The following ITGA8 variants were observed in gnomAD, a reference collection of about 807,000 sequenced individuals.
The protein encoded by ITGA8 is integrin alpha-8.
A neutral mutation model predicts 142.3 loss-of-function variants in ITGA8; 91 were observed. The ratio of observed to expected loss-of-function variants is 0.64; its 90% CI spans 0.54 to 0.76. The LOEUF (loss-of-function observed/expected upper bound fraction) is 0.76. ITGA8 is among the 30% of genes least tolerant of loss of function. The pLI, the probability that ITGA8 is intolerant of heterozygous loss-of-function variation, is 0.00. For missense variants in ITGA8, 1,406 were observed against 1,327.7 expected, an observed-to-expected ratio of 1.06 and a Z score of -0.92; for synonymous variants, 505 against 485.2, an observed-to-expected ratio of 1.04 and a Z score of -0.54.
intron 6 of ITGA8, among the ~76,000 whole-genome samples, chr10:15,675,079 A>T (rs1200907524): frequency 1.3e-5 from 2 of 152,156 alleles, no homozygotes; most frequent in Admixed American, 1.3e-4. Flanking sequence ...TATAGCCCAA[A>T]TTATAGAATC....
intron 14 of ITGA8, among the ~76,000 whole-genome samples, chr10:15,615,616 T>A (rs190897809): frequency 2.2e-4 from 34 of 152,234 alleles, no homozygotes; most frequent in African/African-American, 7.0e-4. Context: ...CAGGGTCAAG[T>A]GATTCTCATG....
chr10:15,550,029 ATGT>A (rs1285907256), intron 26 of ITGA8, among the ~76,000 whole-genome samples: 1 of 152,098 alleles, frequency 6.6e-6, no homozygotes, highest in Non-Finnish European at 1.5e-5. Context: ...TGACTCCCAC[ATGT>A]TGTGGGTGGG....
chr10:15,610,203 A>C (rs1365257251), intron 15 of ITGA8, among the ~76,000 whole-genome samples: 2 of 152,230 alleles, frequency 1.3e-5, no homozygotes, highest in Non-Finnish European at 2.9e-5. Context: ...GAGTCTGTGA[A>C]GTCATAATTT....
chr10:15,710,975 T>C (rs1270146072), intron 2 of ITGA8, among the ~76,000 whole-genome samples: 2 of 152,194 alleles, frequency 1.3e-5, no homozygotes, highest in African/African-American at 4.8e-5. Context: ...TTATGTCAAA[T>C]ATCAGAGCTG....
chr10:15,607,885 T>C lies in ITGA8; in HGVS notation c.1610-54A>G, dbSNP rs572590799. The C allele has an allele frequency of 5.5e-5, 78 of 1,428,192 alleles. No homozygotes were observed. The Admixed American group carries it at 9.2e-4, about 17-fold the overall frequency. The allele number at this position is 1,428,192 out of a possible 1,614,324, so 88.5% of individuals were successfully genotyped here. ...AGTATTCAGTGAACACAGTGCTCTA[T>C]CAGAGAGATGAATTTCTATTTCAAG... On this transcript the variant is annotated intron_variant, in intron 16 of 29. Transcript: ENST00000378076.
chr10:15,715,508 G>T (rs1337075335), intron 2 of ITGA8, among the ~76,000 whole-genome samples: 1 of 152,182 alleles, frequency 6.6e-6, no homozygotes, highest in African/African-American at 2.4e-5. Flanking sequence ...TTCCAGTCCT[G>T]CCTCTACCAC....
chr10:15,607,124 G>T (rs945231475), intron 17 of ITGA8, among the ~76,000 whole-genome samples: 54 of 152,166 alleles, frequency 3.5e-4, no homozygotes, highest in African/African-American at 1.2e-3. Flanking sequence ...AAGAGAAATT[G>T]AGACAGTTAT....
At chr10:15,630,894 T>C (rs1010267894) in intron 13 of ITGA8, among the ~76,000 whole-genome samples, 1 of 152,056 alleles carries the variant, frequency 6.6e-6, no homozygotes, top group African/African-American at 2.4e-5. Context: ...CTCATTATGG[T>C]ATTGAATGGC....
rs1037761053 is a variant in ITGA8 at position 15,580,128 on chromosome 10, A to G, written c.2373-4534T>C. Among the ~76,000 whole-genome samples the G allele has an allele frequency of 5.7e-3, 19 of 3,336 alleles. No homozygotes were observed. The Non-Finnish European group carries it at 0.27, about 48-fold the overall frequency. 2.2% of individuals were successfully genotyped at this position (3,336 alleles called of 152,430 possible). A position where few individuals can be genotyped will look rare whatever the true frequency, so the allele number is the denominator to read the frequency against. ...CTAGCCAGACTGATCAGAAAATGTA[A>G]AAAAAAAAAAAAAAAAAAAGAGAAA... On this transcript the variant is annotated intron_variant, in intron 23 of 29. Coordinates refer to ENST00000378076, the MANE Select transcript of ITGA8 (RefSeq NM_003638.3).
At chr10:15,651,144 A>C (rs1247291412) in intron 11 of ITGA8, among the ~76,000 whole-genome samples, 2 of 152,160 alleles carry the variant, frequency 1.3e-5, no homozygotes, top group Non-Finnish European at 2.9e-5. Flanking sequence ...TTAAATTGTA[A>C]TTCAGTGAAT....
intron 2 of ITGA8, among the ~76,000 whole-genome samples, chr10:15,704,541 A>G (rs1002762436): frequency 2.0e-5 from 3 of 152,000 alleles, no homozygotes; most frequent in Non-Finnish European, 4.4e-5. Context: ...AATCTTTCAT[A>G]CTTTCTTTCA....
At chr10:15,580,371 T>G (rs1317883741) in intron 23 of ITGA8, among the ~76,000 whole-genome samples, 1 of 152,128 alleles carries the variant, frequency 6.6e-6, no homozygotes, top group African/African-American at 2.4e-5. Context: ...AAGAATGAAG[T>G]TGACTTGTTC....
intron 27 of ITGA8, among the ~76,000 whole-genome samples, chr10:15,533,080 C>G (rs73598723): frequency 0.053 from 8,141 of 152,174 alleles, 695 homozygotes; most frequent in African/African-American, 0.18. Context: ...AAAAATCTAC[C>G]AGTACATCAC....
At chr10:15,712,732 C>A (rs182020979) in intron 2 of ITGA8, among the ~76,000 whole-genome samples, 1 of 152,330 alleles carries the variant, frequency 6.6e-6, no homozygotes. Context: ...TTCCCAGATA[C>A]AAGACTCGTT....
At chr10:15,621,810 T>G (rs1233651105) in intron 13 of ITGA8, among the ~76,000 whole-genome samples, 1 of 151,892 alleles carries the variant, frequency 6.6e-6, no homozygotes, top group Non-Finnish European at 1.5e-5. Context: ...GAGATTGCAG[T>G]GAGCTATGAT....
intron 24 of ITGA8, among the ~76,000 whole-genome samples, chr10:15,574,749 G>A (rs1023556805): frequency 1.3e-5 from 2 of 150,812 alleles, no homozygotes; most frequent in Non-Finnish European, 3.0e-5. Context: ...AGTTCTTATT[G>A]TTTTCTGTCT....
intron 13 of ITGA8, among the ~76,000 whole-genome samples, chr10:15,623,195 T>A (rs914226506): frequency 6.6e-6 from 1 of 152,130 alleles, no homozygotes; most frequent in Non-Finnish European, 1.5e-5. Flanking sequence ...ACAACAATCC[T>A]ATGAGAAAGA....
At chr10:15,518,836 T>C (rs752687425) in intron 29 of ITGA8, among the ~76,000 whole-genome samples, 3 of 152,192 alleles carry the variant, frequency 2.0e-5, no homozygotes, top group African/African-American at 4.8e-5. Flanking sequence ...GTAGTTGAAA[T>C]TAAAAATCAG....
At chr10:15,613,822 G>A in intron 14 of ITGA8, 55 bp from the exon 15 acceptor site, 2 of 1,227,480 alleles carry the variant, frequency 1.6e-6, no homozygotes, top group Non-Finnish European at 2.4e-6. Flanking sequence ...TGATAGGCAG[G>A]CAGAAGCCCA....
Sources: gnomAD v4.1 joint callset for allele counts (sites outside exome capture counted in the v4.1 genomes callset) on GRCh38, gnomAD v4.1.1 for gene constraint, MANE v1.5 for transcripts, NCBI Gene and HGNC (gene_info 2026-07-23, HGNC 2026-07-21) for gene names.